Variants in NLRP7 observed in about 807,000 individuals in gnomAD.
NLRP7 encodes the protein NLR family pyrin domain containing 7, also known as NACHT, LRR and PYD domains-containing protein 7.
A neutral mutation model predicts 85.5 loss-of-function variants in NLRP7; 72 were observed. The observed-to-expected ratio is 0.84, with a 90% CI of 0.70 to 1.02. The LOEUF (loss-of-function observed/expected upper bound fraction) is 1.02, where lower values mean the gene tolerates loss of function less well. NLRP7 is among the 50% of genes least tolerant of loss of function. The probability of loss-of-function intolerance (pLI) is 0.00; values close to 1 mark genes in which losing one functional copy is unlikely to be tolerated. For missense variants in NLRP7, 1,243 were observed against 1,219.5 expected (o/e 1.02, Z -0.29); for synonymous variants, 550 against 505.2 (o/e 1.09, Z -1.19).
In NLRP7 at chr19:54,954,406, T is replaced by G. The variant is rs776692585; in HGVS notation, c.-76-6901A>C. Among the ~76,000 whole-genome samples, 71 of 146,624 alleles carry G rather than the reference T, an allele frequency of 4.8e-4. 4 individuals carry two copies. The highest frequency in any genetic ancestry group is 8.9e-4 in the Non-Finnish European group (59 of 66,262). On this transcript the variant is annotated intron_variant, in intron 1 of 2. Coordinates refer to the NLRP7 transcript ENST00000587103. ...TTAGCTGGGTGCGGTGGCGGGCGCC[T>G]GTAGTCCCAGCTACTCGGGAGGCTG...
chr19:54,951,951 A>T (rs546555852), upstream of NLRP7, among the ~76,000 whole-genome samples: 67 of 151,946 alleles, frequency 4.4e-4, no homozygotes, highest in Admixed American at 7.2e-4. Flanking sequence ...ACGCGGTTTC[A>T]CCATGTTAGC....
rs922644779 is a variant in NLRP7, at chr19:54,934,708, C to T, written c.2301-49G>A. 2.0e-6 allele frequency: 3 copies of T among 1,484,098 alleles called. No individual in the cohort carries two copies. The highest frequency in any genetic ancestry group is 2.3e-5 in the Admixed American group (1 of 44,274). 91.9% of individuals were successfully genotyped at this position (1,484,098 alleles called of 1,614,324 possible). A position where few individuals can be genotyped will look rare whatever the true frequency, so the allele number is the denominator to read the frequency against. On this transcript the variant is annotated intron_variant, in intron 6 of 9. Transcript: ENST00000340844. The surrounding 1 kb of genome is among the most constrained non-coding windows in gnomAD (Gnocchi z 6.7). ...ATTCTTCTGGGAGGACAGAGTATAC[C>T]CTATCAGCTTTTTTTTTTTGAGACA...
At chr19:54,936,712 C>CGA (rs2068944549) in intron 5 of NLRP7, among the ~76,000 whole-genome samples, 1 of 151,910 alleles carries the variant, frequency 6.6e-6, no homozygotes, top group African/African-American at 2.4e-5. Flanking sequence ...GTCAGGAGTT[C>CGA]GAGACCAGCC....
chr19:54,956,788 C>G (rs1404045746), intron 1 of NLRP7, among the ~76,000 whole-genome samples: 1 of 151,482 alleles, frequency 6.6e-6, no homozygotes, highest in Non-Finnish European at 1.5e-5. Context: ...CAACACCACG[C>G]CTTCTAATTT....
upstream of NLRP7, chr19:54,947,541 G>A (rs2069528219): frequency 7.8e-7 from 1 of 1,289,464 alleles, no homozygotes; most frequent in African/African-American, 1.5e-5. Flanking sequence ...GAGGTCTCTG[G>A]CCCTTGGTAC....
chr19:54,927,573 AAAC>A, intron 9 of NLRP7, 29 bp downstream of exon 10: 4 of 314,884 alleles, frequency 1.3e-5, no homozygotes, highest in Non-Finnish European at 1.2e-5. Flanking sequence ...CAAAAACAAA[AAAC>A]AAAACAAAAC....
At chr19:54,930,446 A>G in intron 9 of NLRP7, 53 bp downstream of exon 9, 1 of 1,296,850 alleles carries the variant, frequency 7.7e-7, no homozygotes, top group East Asian at 2.3e-5. Flanking sequence ...TGGGGGACAG[A>G]GCAAGACCCT....
At chr19:54,955,679 C>G (rs1482083419) in intron 1 of NLRP7, among the ~76,000 whole-genome samples, 6 of 152,134 alleles carry the variant, frequency 3.9e-5, no homozygotes, top group African/African-American at 1.4e-4. Flanking sequence ...CCCAGCTACT[C>G]GGGAGGCTGA....
chr19:54,934,966 G>C lies in NLRP7; in HGVS notation c.2301-307C>G, dbSNP rs2068844879. 1.3e-5 allele frequency among the ~76,000 whole-genome samples: 2 copies of C among 151,894 alleles called. No homozygotes were observed. Among genetic ancestry groups the C allele is most frequent in the African/African-American group, 4.8e-5 (2 of 41,348 alleles). ...CCCACCTTGGCCTACCGAAGTACTGGGATTACAGGTGTGAGCCACCGCGCC... is the reference window on the plus strand; with the variant it reads ...CCCACCTTGGCCTACCGAAGTACTGCGATTACAGGTGTGAGCCACCGCGCC... On this transcript the variant is annotated intron_variant, in intron 6 of 9. Transcript: ENST00000340844. The surrounding 1 kb of genome is among the most constrained non-coding windows in gnomAD (Gnocchi z 6.7).
intron 4 of NLRP7, among the ~76,000 whole-genome samples, 175 bp downstream of exon 4, chr19:54,938,713 G>A (rs776032353): frequency 2.6e-5 from 4 of 152,224 alleles, no homozygotes; most frequent in Admixed American, 2.0e-4. Context: ...GGGACAGAGC[G>A]AGACTCCGTC....
At chr19:54,947,538 C>CT (rs1324241884), upstream of NLRP7, 24 of 1,289,622 alleles carry the variant, frequency 1.9e-5, no homozygotes, top group Non-Finnish European at 2.4e-5. Context: ...GGGGAGGTCT[C>CT]TGGCCCTTGG....
intron 9 of NLRP7, among the ~76,000 whole-genome samples, chr19:54,928,214 C>T (rs2068530028): frequency 6.6e-6 from 1 of 152,096 alleles, no homozygotes; most frequent in Admixed American, 6.6e-5. Context: ...AATGAGACTC[C>T]ATCTCACAAA....
chr19:54,951,312 T>C (rs911824702), upstream of NLRP7, among the ~76,000 whole-genome samples: 69 of 151,794 alleles, frequency 4.5e-4, 1 homozygote, highest in Admixed American at 3.9e-4. Flanking sequence ...TTTGGGAGGC[T>C]GAGGCAGATG....
chr19:54,923,683 C>T, exon 10 of NLRP7: 1 of 1,600,298 alleles, frequency 6.2e-7, no homozygotes. Context: ...ATTCATAAGA[C>T]ATCTTAGAGA....
At position 54,934,688 on chromosome 19, in the gene NLRP7, T is replaced by C; in HGVS notation, c.2301-29A>G. ...TGAAAAGAGTGGGAAAAGTCATTCT[T>C]CTGGGAGGACAGAGTATACCCTATC... On this transcript the variant is annotated intron_variant, in intron 6 of 9. Transcript: ENST00000340844. The surrounding 1 kb of genome is among the most constrained non-coding windows in gnomAD (Gnocchi z 6.7). 6.3e-7 allele frequency: 1 copy of C among 1,597,636 alleles called. No homozygotes were observed. Among genetic ancestry groups the C allele is most frequent in the Non-Finnish European group, 8.5e-7 (1 of 1,170,724 alleles).
exon 4 of NLRP7, chr19:54,939,580 CCGCAGCGCG>C: frequency 6.2e-7 from 1 of 1,611,814 alleles, no homozygotes; most frequent in Non-Finnish European, 8.5e-7. Flanking sequence ...GGCTCAGCGT[CCGCAGCGCG>C]CCCCGCAGCT....
intron 1 of NLRP7, among the ~76,000 whole-genome samples, chr19:54,960,685 T>G (rs2070011920): frequency 6.6e-6 from 1 of 152,074 alleles, no homozygotes; most frequent in Non-Finnish European, 1.5e-5. Context: ...AAGCTCCGCC[T>G]CCCGGATTCA....
At chr19:54,928,240 G>GA (rs1291190297) in intron 9 of NLRP7, among the ~76,000 whole-genome samples, 1 of 151,976 alleles carries the variant, frequency 6.6e-6, no homozygotes, top group Non-Finnish European at 1.5e-5. Context: ...AACATAAAAT[G>GA]AAAATACAAA....
intron 1 of NLRP7, among the ~76,000 whole-genome samples, chr19:54,945,255 A>G (rs1244812256): frequency 5.3e-5 from 8 of 149,682 alleles, no homozygotes; most frequent in Non-Finnish European, 1.2e-4. Context: ...AAAAAAAAAA[A>G]GAAAAGAAAA....
Sources: gnomAD v4.1 joint callset for allele counts (sites outside exome capture counted in the v4.1 genomes callset) on GRCh38, gnomAD v4.1.1 for gene constraint, Gnocchi (gnomAD v3.1) non-coding constraint, MANE v1.5 for transcripts, NCBI Gene and HGNC (gene_info 2026-07-23, HGNC 2026-07-21) for gene names.